Variants in SYNDIG1L observed in about 807,000 individuals in gnomAD.
SYNDIG1L encodes synapse differentiation inducing 1 like, also known as synapse differentiation-inducing gene protein 1-like.
A neutral mutation model predicts 20.1 loss-of-function variants in SYNDIG1L; 13 were observed. The ratio of observed to expected loss-of-function variants is 0.65; its 90% CI spans 0.42 to 1.03. The LOEUF is 1.03. Among genes scored for constraint, SYNDIG1L ranks in the 50% least tolerant of loss-of-function variants. SYNDIG1L has a pLI of 0.00. For synonymous variants in SYNDIG1L, 128 were observed against 129.3 expected, an observed-to-expected ratio of 0.99 and a Z score of 0.07; for missense variants, 294 against 305.1, an observed-to-expected ratio of 0.96 and a Z score of 0.27.
At chr14:74,434,987 G>A in the SYNDIG1L span, among the ~76,000 whole-genome samples, 1 of 148,962 alleles carries the variant, frequency 6.7e-6, no homozygotes, top group Non-Finnish European at 1.5e-5. Context: ...GGAGGCGGAG[G>A]CAGGAGAATG....
intron 1 of SYNDIG1L, among the ~76,000 whole-genome samples, chr14:74,421,220 G>A (rs1243692978): frequency 6.6e-6 from 1 of 151,968 alleles, no homozygotes; most frequent in Non-Finnish European, 1.5e-5. Context: ...TGAGCATTTT[G>A]GAAATTAAAA....
At chr14:74,417,745 T>C (rs1049900983) in intron 1 of SYNDIG1L, among the ~76,000 whole-genome samples, 5 of 152,158 alleles carry the variant, frequency 3.3e-5, no homozygotes, top group Non-Finnish European at 7.4e-5. Context: ...TTGGTGGATA[T>C]GGAGGGTTGT....
the SYNDIG1L span, among the ~76,000 whole-genome samples, chr14:74,454,588 T>C: frequency 6.6e-6 from 1 of 152,202 alleles, no homozygotes; most frequent in Non-Finnish European, 1.5e-5. Flanking sequence ...CTGTAGGTAA[T>C]TAACATTTAT....
At position 74,406,842 on chromosome 14, in the gene SYNDIG1L, C is replaced by G. The variant is rs2086085180; in HGVS notation, c.*693G>C. The G allele has an allele frequency of 6.6e-6, 1 of 152,370 alleles. No homozygotes were observed. Among genetic ancestry groups the G allele is most frequent in the Admixed American group, 6.5e-5 (1 of 15,292 alleles). 9.4% of individuals were successfully genotyped at this position (152,370 alleles called of 1,614,324 possible). ...CTCTATTCTCTGTCATTGCAACTGC[C>G]TTTTGCACCCGCATGAAGAAGCTCC... On this transcript the variant is annotated 3_prime_UTR_variant, in exon 4 of 4. Coordinates refer to ENST00000331628, the MANE Select transcript of SYNDIG1L (RefSeq NM_001105579.2).
chr14:74,419,131 C>T (rs1417385392), intron 1 of SYNDIG1L, among the ~76,000 whole-genome samples: 2 of 152,166 alleles, frequency 1.3e-5, no homozygotes, highest in East Asian at 3.8e-4. Flanking sequence ...GATGCTCTAG[C>T]TCTCAGCTCA....
At chr14:74,413,518 A>G (rs2086149108) in intron 1 of SYNDIG1L, among the ~76,000 whole-genome samples, 1 of 152,234 alleles carries the variant, frequency 6.6e-6, no homozygotes, top group Non-Finnish European at 1.5e-5. Context: ...AACTCCGCCA[A>G]AATGTCAAGA....
the SYNDIG1L span, among the ~76,000 whole-genome samples, chr14:74,436,973 T>C: frequency 6.6e-6 from 1 of 151,526 alleles, no homozygotes; most frequent in Non-Finnish European, 1.5e-5. Flanking sequence ...TTCCCTCCCA[T>C]AGCACTCAGA....
the SYNDIG1L span, among the ~76,000 whole-genome samples, chr14:74,432,498 G>A: frequency 1.3e-5 from 2 of 152,298 alleles, no homozygotes; most frequent in African/African-American, 4.8e-5. Flanking sequence ...AACAGCTAGA[G>A]TAGTGAAGGC....
chr14:74,446,518 C>T, the SYNDIG1L span, among the ~76,000 whole-genome samples: 8 of 151,914 alleles, frequency 5.3e-5, no homozygotes, highest in African/African-American at 1.4e-4. Context: ...TTAATCCACA[C>T]GTTGTTTATT....
At chr14:74,424,267 C>G (rs979596055) in intron 1 of SYNDIG1L, among the ~76,000 whole-genome samples, 5 of 152,138 alleles carry the variant, frequency 3.3e-5, no homozygotes, top group African/African-American at 1.2e-4. Context: ...AAAAATGAAC[C>G]CCCAGAGGGG....
chr14:74,455,323 T>G, the SYNDIG1L span, among the ~76,000 whole-genome samples: 10 of 151,848 alleles, frequency 6.6e-5, no homozygotes, highest in African/African-American at 2.2e-4. Flanking sequence ...ATGCCTCACC[T>G]GGCTCCACTC....
the SYNDIG1L span, among the ~76,000 whole-genome samples, chr14:74,432,146 T>TGG: frequency 8.3e-6 from 1 of 120,482 alleles, no homozygotes; most frequent in Non-Finnish European, 1.6e-5. Flanking sequence ...GGAAGGTGTG[T>TGG]GTGTGTGTGT....
At chr14:74,463,916 T>C in the SYNDIG1L span, among the ~76,000 whole-genome samples, 1 of 152,134 alleles carries the variant, frequency 6.6e-6, no homozygotes, top group African/African-American at 2.4e-5. Flanking sequence ...GATTGTTGGG[T>C]AGACTGAACT....
At chr14:74,479,210 C>T in the SYNDIG1L span, 1 of 152,204 alleles carries the variant, frequency 6.6e-6, no homozygotes, top group African/African-American at 2.4e-5. Flanking sequence ...ATTCCTGATC[C>T]ATCACTGTCC....
At chr14:74,462,666 G>A in the SYNDIG1L span, among the ~76,000 whole-genome samples, 1 of 151,774 alleles carries the variant, frequency 6.6e-6, no homozygotes. Flanking sequence ...CCACTATGCT[G>A]GGCTAATTTT....
intron 1 of SYNDIG1L, among the ~76,000 whole-genome samples, chr14:74,420,636 T>A (rs1306942339): frequency 2.1e-4 from 32 of 152,116 alleles, no homozygotes; most frequent in Non-Finnish European, 1.5e-5. Flanking sequence ...AAGGGGAGGC[T>A]GCTGCCGGTT....
At chr14:74,470,397 G>C in the SYNDIG1L span, among the ~76,000 whole-genome samples, 3 of 152,244 alleles carry the variant, frequency 2.0e-5, no homozygotes, top group African/African-American at 7.2e-5. Flanking sequence ...TGGGGTGGTT[G>C]ACTGGATACA....
At chr14:74,425,681 G>GT (rs1317745226) in intron 1 of SYNDIG1L, among the ~76,000 whole-genome samples, 1 of 152,190 alleles carries the variant, frequency 6.6e-6, no homozygotes, top group Non-Finnish European at 1.5e-5. Flanking sequence ...AAGGCCTGAT[G>GT]TTGTGAGGTT....
At chr14:74,469,545 G>A in the SYNDIG1L span, among the ~76,000 whole-genome samples, 1 of 152,078 alleles carries the variant, frequency 6.6e-6, no homozygotes, top group African/African-American at 2.4e-5. Flanking sequence ...AGAAGAAAAT[G>A]TGGCCACATG....
Sources: gnomAD v4.1 joint callset for allele counts (sites outside exome capture counted in the v4.1 genomes callset) on GRCh38, gnomAD v4.1.1 for gene constraint, MANE v1.5 for transcripts, NCBI Gene and HGNC (gene_info 2026-07-23, HGNC 2026-07-21) for gene names.